The following AJAP1 variants were observed in gnomAD, a reference collection of about 807,000 sequenced individuals.
AJAP1 encodes the protein adherens junctions associated protein 1.
In AJAP1, 5 loss-of-function variants were observed where a neutral mutation model predicts 35.0. The observed-to-expected ratio is 0.14, with a 90% CI of 0.07 to 0.30. The LOEUF (loss-of-function observed/expected upper bound fraction) is 0.30, where lower values mean the gene tolerates loss of function less well. Among genes scored for constraint, AJAP1 ranks in the 10% least tolerant of loss-of-function variants. AJAP1 has a pLI of 1.00. For synonymous variants in AJAP1, 284 were observed against 249.3 expected (o/e 1.14, Z -1.31); for missense variants, 586 against 571.0 (o/e 1.03, Z -0.27).
In AJAP1 at chr1:4,749,647, C is replaced by T. The variant is rs565072231; in HGVS notation, c.830-20206C>T. ...GTATTTGGTGCATCTCCCTCATCACCGGGAGCTGTGCACAGAGGGACACAG... is the reference window on the plus strand; with the variant it reads ...GTATTTGGTGCATCTCCCTCATCACTGGGAGCTGTGCACAGAGGGACACAG... On this transcript the variant is annotated intron_variant, in intron 2 of 5. Transcript: ENST00000378191. 1.1e-4 allele frequency among the ~76,000 whole-genome samples: 17 copies of T among 152,348 alleles called. 1 individual carries two copies. The South Asian group carries it at 1.2e-3, about 11-fold the overall frequency.
intron 2 of AJAP1, among the ~76,000 whole-genome samples, chr1:4,716,999 G>A (rs1354795705): frequency 1.3e-5 from 2 of 152,182 alleles, no homozygotes; most frequent in Non-Finnish European, 2.9e-5. Flanking sequence ...GTGAGCACTG[G>A]CAGAGTGTGA....
intron 1 of AJAP1, among the ~76,000 whole-genome samples, chr1:4,691,888 A>C (rs1639748170): frequency 6.6e-6 from 1 of 152,056 alleles, no homozygotes; most frequent in African/African-American, 2.4e-5. Context: ...CTGCGGGAAA[A>C]TCAGTTTTCT....
intron 2 of AJAP1, among the ~76,000 whole-genome samples, chr1:4,762,970 C>A (rs746855860): frequency 2.0e-5 from 3 of 152,074 alleles, no homozygotes; most frequent in Non-Finnish European, 2.9e-5. Flanking sequence ...CCCTCCCTGG[C>A]TTTGTTATTG....
At chr1:4,776,624 C>T (rs1012795504) in intron 5 of AJAP1, among the ~76,000 whole-genome samples, 3 of 152,228 alleles carry the variant, frequency 2.0e-5, no homozygotes, top group African/African-American at 7.2e-5. Context: ...CGTGTCTCAT[C>T]AGCCTGGTCC....
At chr1:4,729,418 A>G (rs1303666324) in intron 2 of AJAP1, among the ~76,000 whole-genome samples, 6 of 152,126 alleles carry the variant, frequency 3.9e-5, no homozygotes, top group Non-Finnish European at 8.8e-5. Context: ...CTGGTGAGCT[A>G]GGTTTTCGGC....
rs201724378 is a variant in AJAP1 at position 4,655,382 on chromosome 1, C to T, written c.-44C>T. On this transcript the variant is annotated 5_prime_UTR_variant, in exon 1 of 6. Coordinates refer to ENST00000378191, the MANE Select transcript of AJAP1 (RefSeq NM_018836.4). This position sits in a 1 kb window ranked among gnomAD's most constrained non-coding sequence, Gnocchi z 6.9. ...GCGGGCGCGGGCGCCGCGCAGATGGCCTGGGCGAGCCAGGTCTGAGGCCCC... is the reference window on the plus strand; with the variant it reads ...GCGGGCGCGGGCGCCGCGCAGATGGTCTGGGCGAGCCAGGTCTGAGGCCCC... 304 of 1,526,594 alleles carry T rather than the reference C, an allele frequency of 2.0e-4. 2 individuals carry two copies. The African/African-American group carries it at 3.7e-3, about 18-fold the overall frequency. 94.6% of individuals were successfully genotyped at this position (1,526,594 alleles called of 1,614,324 possible).
rs1418588033 is a variant in AJAP1, at chr1:4,787,695, C to T, written c.*5210C>T. 2.4e-5 allele frequency: 11 copies of T among 456,012 alleles called. No individual in the cohort carries two copies. Among genetic ancestry groups the T allele is most frequent in the Non-Finnish European group, 4.8e-5 (11 of 226,926 alleles). The allele number at this position is 456,012 out of a possible 1,614,324, so 28.2% of individuals were successfully genotyped here. On this transcript the variant is annotated 3_prime_UTR_variant, in exon 6 of 6. Transcript: ENST00000378191. ...TCTGCCCAGCCCCTCCCATGTTGGT[C>T]CCATCTGTCAGGTTGCCAGGCCAAG...
chr1:4,773,784 G>T (rs1482299163), intron 4 of AJAP1, among the ~76,000 whole-genome samples: 5 of 152,244 alleles, frequency 3.3e-5, no homozygotes, highest in African/African-American at 1.2e-4. Context: ...GTAGAGGGCA[G>T]AGGGCCGTGG....
rs1272313767 is a variant in AJAP1, at chr1:4,656,032, G to T, written c.29+578G>T. 6.6e-6 allele frequency among the ~76,000 whole-genome samples: 1 copy of T among 152,002 alleles called. No individual in the cohort carries two copies. Among genetic ancestry groups the T allele is most frequent in the East Asian group, 1.9e-4 (1 of 5,142 alleles). On this transcript the variant is annotated intron_variant, in intron 1 of 5. Transcript: ENST00000378191. The surrounding 1 kb of genome is among the most constrained non-coding windows in gnomAD (Gnocchi z 5.7). ...TTTGCGGGTGACCTCCGGGCCCGAC[G>T]GGCGCTCACAGCTGGCGGGCAGCTG...
intron 1 of AJAP1, among the ~76,000 whole-genome samples, chr1:4,664,580 C>T (rs1407596208): frequency 6.6e-6 from 1 of 152,164 alleles, no homozygotes; most frequent in East Asian, 1.9e-4. Context: ...CCCGGTCATG[C>T]CCTTCTGCCG....
chr1:4,731,097 T>C (rs974783222), intron 2 of AJAP1, among the ~76,000 whole-genome samples: 2 of 152,238 alleles, frequency 1.3e-5, no homozygotes, highest in Non-Finnish European at 2.9e-5. Flanking sequence ...TTGTTCTGTT[T>C]TGAGACAGAG....
rs374954027 is a variant in AJAP1, at chr1:4,720,663, C to T, written c.829+7964C>T. Among the ~76,000 whole-genome samples, 84 of 152,338 alleles carry T rather than the reference C, an allele frequency of 5.5e-4. No individual in the cohort carries two copies. The highest frequency in any genetic ancestry group is 1.8e-3 in the Admixed American group (27 of 15,308). On this transcript the variant is annotated intron_variant, in intron 2 of 5. Coordinates refer to ENST00000378191, the MANE Select transcript of AJAP1 (RefSeq NM_018836.4). This position sits in a 1 kb window ranked among gnomAD's most constrained non-coding sequence, Gnocchi z 4.4. ...GAGCGCCATAGTGAGCATGCAGCCC[C>T]TAGAGTTGAGTCAGGTCTTAAAAGA...
At chr1:4,708,526 G>C (rs1198102262) in intron 1 of AJAP1, among the ~76,000 whole-genome samples, 2 of 152,226 alleles carry the variant, frequency 1.3e-5, no homozygotes, top group Non-Finnish European at 1.5e-5. Context: ...GCCCCAGGCT[G>C]AGCAGGATCA....
intron 2 of AJAP1, among the ~76,000 whole-genome samples, chr1:4,736,469 C>G (rs750267370): frequency 6.6e-6 from 1 of 152,260 alleles, no homozygotes; most frequent in Non-Finnish European, 1.5e-5. Context: ...CCCTCCCACA[C>G]ATCTTCCTCT....
chr1:4,775,580 C>T (rs563392379), intron 5 of AJAP1, among the ~76,000 whole-genome samples: 4 of 152,292 alleles, frequency 2.6e-5, no homozygotes, highest in East Asian at 1.9e-4. Context: ...TTGCTGGGGG[C>T]GGGGAACCAG....
chr1:4,721,593 C>G (rs1640517689), intron 2 of AJAP1, among the ~76,000 whole-genome samples: 1 of 152,130 alleles, frequency 6.6e-6, no homozygotes, highest in Admixed American at 6.5e-5. Flanking sequence ...CACTTTGGGT[C>G]CTTGTCACTT....
intron 3 of AJAP1, among the ~76,000 whole-genome samples, 154 bp downstream of exon 3, chr1:4,770,094 G>A (rs770313254): frequency 6.6e-6 from 1 of 152,060 alleles, no homozygotes; most frequent in Admixed American, 6.5e-5. Flanking sequence ...ACCGTCCAGC[G>A]CTGCCCTTTG....
At position 4,782,505 on chromosome 1, in the gene AJAP1, G is replaced by A. The variant is rs969364800; in HGVS notation, c.*60-40G>A. The stretch of plus-strand genomic sequence containing the variant: ...CCCACAGACTTGTCGCGCCCTCGGC[G>A]TGCTGCCATTTAATCTCTTCTTGTT... On this transcript the variant is annotated intron_variant, in intron 5 of 5. Transcript: ENST00000378191. The surrounding 1 kb of genome is among the most constrained non-coding windows in gnomAD (Gnocchi z 5.3). 48 of 354,734 alleles carry A rather than the reference G, an allele frequency of 1.4e-4. No homozygotes were observed. Among genetic ancestry groups the A allele is most frequent in the Middle Eastern group, 7.3e-4 (1 of 1,370 alleles). The allele number at this position is 354,734 out of a possible 1,614,324, so 22.0% of individuals were successfully genotyped here. A position where few individuals can be genotyped will look rare whatever the true frequency, so the allele number is the denominator to read the frequency against.
chr1:4,659,033 G>A (rs115238802), intron 1 of AJAP1, among the ~76,000 whole-genome samples: 43 of 152,308 alleles, frequency 2.8e-4, no homozygotes, highest in African/African-American at 1.0e-3. Flanking sequence ...GTGCTCCTGG[G>A]TTCTGCATTT....
Sources: gnomAD v4.1 joint callset for allele counts (sites outside exome capture counted in the v4.1 genomes callset) on GRCh38, gnomAD v4.1.1 for gene constraint, Gnocchi (gnomAD v3.1) non-coding constraint, MANE v1.5 for transcripts, NCBI Gene and HGNC (gene_info 2026-07-23, HGNC 2026-07-21) for gene names.